Variants in SVEP1 observed in about 807,000 individuals in gnomAD.
SVEP1 encodes sushi, von Willebrand factor type A, EGF and pentraxin domain-containing protein 1.
SVEP1 carries 164 observed loss-of-function variants against 367.3 expected under a neutral mutation model. The observed-to-expected ratio is 0.45, with a 90% confidence interval of 0.39 to 0.51. The LOEUF is 0.51. Among genes scored for constraint, SVEP1 ranks in the 20% least tolerant of loss-of-function variants. The probability of loss-of-function intolerance (pLI) is 0.00; values close to 1 mark genes in which losing one functional copy is unlikely to be tolerated. For synonymous variants in SVEP1, 1,666 were observed against 1,611.6 expected, an observed-to-expected ratio of 1.03 and a Z score of -0.81; for missense variants, 4,117 against 4,425.3, an observed-to-expected ratio of 0.93 and a Z score of 1.98.
intron 17 of SVEP1, among the ~76,000 whole-genome samples, chr9:110,467,118 G>T (rs185054849): frequency 8.5e-5 from 13 of 152,206 alleles, no homozygotes; most frequent in African/African-American, 3.1e-4. Flanking sequence ...GCAGAACTAT[G>T]GCAAAGAAGC....
At chr9:110,402,456 C>G in intron 39 of SVEP1, among the ~76,000 whole-genome samples, 1 of 152,074 alleles carries the variant, frequency 6.6e-6, no homozygotes, top group East Asian at 1.9e-4. Flanking sequence ...TAGTTTTACA[C>G]AGTTTACACC....
rs139341852 is a variant in SVEP1, at chr9:110,489,825, G to A, written c.1801-46C>T. On this transcript the variant is annotated intron_variant, in intron 8 of 47. Coordinates refer to ENST00000374469, the MANE Select transcript of SVEP1 (RefSeq NM_153366.4). ...TTTTGAAAGTTAATGTCAAAAGTGC[G>A]TTTATTCTTTTCTGATTTATATATT... is the stretch of plus-strand genomic sequence containing the variant. 1.1e-4 allele frequency: 169 copies of A among 1,564,298 alleles called. 1 individual carries two copies. The highest frequency in any genetic ancestry group is 9.4e-4 in the South Asian group (77 of 81,600).
At chr9:110,396,797 T>A (rs1022865911) in intron 40 of SVEP1, among the ~76,000 whole-genome samples, 124 of 152,160 alleles carry the variant, frequency 8.1e-4, no homozygotes, top group Non-Finnish European at 1.4e-3. Context: ...AACCAGGAAG[T>A]AGTTGAATCT....
At chr9:110,433,560 C>A (rs1383886222) in intron 30 of SVEP1, among the ~76,000 whole-genome samples, 2 of 150,924 alleles carry the variant, frequency 1.3e-5, no homozygotes, top group Admixed American at 6.6e-5. Flanking sequence ...CCTCTGCCTG[C>A]CTCCTGGGCT....
chr9:110,416,071 G>A (rs867027847), intron 36 of SVEP1, among the ~76,000 whole-genome samples: 16 of 151,958 alleles, frequency 1.1e-4, no homozygotes, highest in South Asian at 2.1e-4. Context: ...TACATACTCA[G>A]AAAATAAGGG....
chr9:110,493,327 C>T (rs189598206), intron 8 of SVEP1, among the ~76,000 whole-genome samples: 356 of 152,220 alleles, frequency 2.3e-3, no homozygotes, highest in Non-Finnish European at 4.0e-3. Flanking sequence ...GAGGGCCACA[C>T]AGCCTTAAAC....
At position 110,408,772 on chromosome 9, in the gene SVEP1, T is replaced by C. The variant is rs747193735; in HGVS notation, c.6828A>G (p.Lys2276=). 2 of 1,613,496 alleles carry C rather than the reference T, an allele frequency of 1.2e-6. No individual in the cohort carries two copies. Among genetic ancestry groups the C allele is most frequent in the Non-Finnish European group, 1.7e-6 (2 of 1,179,894 alleles). The change falls in exon 38 of 48, where the codon AAA becomes AAG. Residue 2276 remains lysine (K), a synonymous_variant. Transcript: ENST00000374469. ...KPPPIQNGFM[K]GENFEVGSKV... ...TGGACCCTACTTCAAAGTTTTCTCC[T>C]TTCATGAAGCCATTCTGGATCGGGG...
chr9:110,436,990 T>G (rs1295040436), intron 27 of SVEP1, among the ~76,000 whole-genome samples: 1 of 152,214 alleles, frequency 6.6e-6, no homozygotes, highest in African/African-American at 2.4e-5. Context: ...CTGTATCAGC[T>G]GTTTCTGTTA....
At chr9:110,493,434 C>T (rs372984370) in intron 8 of SVEP1, among the ~76,000 whole-genome samples, 22 of 152,100 alleles carry the variant, frequency 1.4e-4, no homozygotes, top group African/African-American at 5.3e-4. Flanking sequence ...AATGTGGCAG[C>T]TTAAAACAAC....
chr9:110,553,635 G>A (rs903854845), intron 1 of SVEP1, among the ~76,000 whole-genome samples: 1 of 152,124 alleles, frequency 6.6e-6, no homozygotes, highest in African/African-American at 2.4e-5. Flanking sequence ...GGGGAGACAG[G>A]CCCAGGTATT....
rs748229531 is a variant in SVEP1, at chr9:110,450,161, G to A, written c.4001C>T (p.Pro1334Leu). The A allele has an allele frequency of 2.5e-6, 4 of 1,613,856 alleles. No individual in the cohort carries two copies. Among genetic ancestry groups the A allele is most frequent in the Non-Finnish European group, 3.4e-6 (4 of 1,179,832 alleles). The change falls in exon 24 of 48, where the codon CCA (proline) becomes CTA (leucine). Residue 1334 changes from proline to leucine, a missense_variant. Transcript: ENST00000374469. ...DQVGGFLCKC[P>L]PGFLGTRCGK... Reference sequence around the variant, plus strand: ...ACATCGGGTACCCAAAAATCCAGGTGGGCATTTGCACAAGAATCCCCCAAC... The same window carrying A: ...ACATCGGGTACCCAAAAATCCAGGTAGGCATTTGCACAAGAATCCCCCAAC...
intron 22 of SVEP1, 95 bp downstream of exon 22, chr9:110,455,494 TA>T: frequency 1.2e-6 from 1 of 822,660 alleles, no homozygotes; most frequent in Non-Finnish European, 1.9e-6. Context: ...TAATATTCTA[TA>T]AATGTATCTT....
intron 45 of SVEP1, chr9:110,376,672 A>G (rs1246978219): frequency 1.3e-5 from 2 of 152,330 alleles, no homozygotes; most frequent in East Asian, 1.9e-4. Context: ...ATCCTTATAT[A>G]TATTTTAAGA....
In SVEP1 at chr9:110,407,981, T is replaced by C; in HGVS notation, c.7619A>G (p.Glu2540Gly). Reference sequence around the variant, plus strand: ...GGCATCTACATCCCAATCACCTGTCTCTAAACAGGTCAAGGCACTGGGACC... The same window carrying C: ...GGCATCTACATCCCAATCACCTGTCCCTAAACAGGTCAAGGCACTGGGACC... ...LEGPSALTCLETGDWDVDAPS... is the reference protein window; with the variant it reads ...LEGPSALTCLGTGDWDVDAPS... Residue 2540 changes from glutamate to glycine, a missense_variant, in exon 38 of 48, where the codon GAG becomes GGG. Physicochemically the swap from Glu to Gly is moderately conservative, Grantham distance 98. Around this residue, in one of 4 missense-constraint regions of SVEP1, gnomAD observed 1,765 missense variants for 1,781.1 expected, o/e 0.99. Transcript: ENST00000374469. 1 of 1,613,984 alleles carries C rather than the reference T, an allele frequency of 6.2e-7. No individual in the cohort carries two copies.
chr9:110,366,298 C>T lies in SVEP1; in HGVS notation c.*241G>A, dbSNP rs1827197933. The T allele has an allele frequency of 5.2e-6, 2 of 386,834 alleles. No homozygotes were observed. The highest frequency in any genetic ancestry group is 4.5e-6 in the Non-Finnish European group (1 of 220,498). The allele number at this position is 386,834 out of a possible 1,614,324, so 24.0% of individuals were successfully genotyped here. A position where few individuals can be genotyped will look rare whatever the true frequency, so the allele number is the denominator to read the frequency against. The stretch of plus-strand genomic sequence containing the variant: ...ACATTTTGTGAGGGTAGAGCAGCAT[C>T]TATTTAATATAATTTTTATATAGAA... On this transcript the variant is annotated 3_prime_UTR_variant, in exon 48 of 48. Transcript: ENST00000374469.
chr9:110,487,539 C>T (rs946150862), intron 9 of SVEP1, among the ~76,000 whole-genome samples: 1 of 152,060 alleles, frequency 6.6e-6, no homozygotes, highest in African/African-American at 2.4e-5. Context: ...TCTACTTTTA[C>T]CAAAACCTGT....
In SVEP1 at chr9:110,386,047, A is replaced by T; in HGVS notation, c.10088T>A (p.Ile3363Asn). ...TTCAGACAGCAGAGCATTCTCGGGA[A>T]TCACAAAAGGAACAGGGCATGGATT... The part of the protein sequence containing the change: ...KPNPCPVPFV[I>N]PENALLSEKE... Residue 3363 changes from isoleucine to asparagine, a missense_variant, in exon 43 of 48, where the codon ATT becomes AAT. This residue lies in a region of SVEP1 where 1,765 missense variants were observed against 1,781.1 expected (regional missense o/e 0.99). Coordinates refer to ENST00000374469, the MANE Select transcript of SVEP1 (RefSeq NM_153366.4). The T allele has an allele frequency of 6.2e-7, 1 of 1,613,706 alleles. No homozygotes were observed. The highest frequency in any genetic ancestry group is 8.5e-7 in the Non-Finnish European group (1 of 1,179,746).
At position 110,469,021 on chromosome 9, in the gene SVEP1, C is replaced by G. The variant is rs1160386133; in HGVS notation, c.3079G>C (p.Glu1027Gln). Reference sequence around the variant, plus strand: ...CAAAGCTTGCACTCAAGTTGCCCTTCTTCATCTTGATAGGATCCGATCCGG... The same window carrying G: ...CAAAGCTTGCACTCAAGTTGCCCTTGTTCATCTTGATAGGATCCGATCCGG... Reference protein sequence around the residue: ...SCRIGSYQDEEGQLECKLCPS... With the variant: ...SCRIGSYQDEQGQLECKLCPS... Residue 1027 changes from glutamate to glutamine, a missense_variant, in exon 17 of 48, where the codon GAA becomes CAA. By Grantham distance (29) the Glu-to-Gln change is conservative (BLOSUM62 2). This residue lies in a region of SVEP1 where 2,174 missense variants were observed against 2,494.3 expected (regional missense o/e 0.87). Transcript: ENST00000374469. The G allele has an allele frequency of 2.5e-6, 4 of 1,613,790 alleles. No homozygotes were observed. The highest frequency in any genetic ancestry group is 3.4e-6 in the Non-Finnish European group (4 of 1,179,850).
intron 41 of SVEP1, among the ~76,000 whole-genome samples, chr9:110,389,154 G>A (rs990418896): frequency 6.6e-6 from 1 of 152,020 alleles, no homozygotes; most frequent in Non-Finnish European, 1.5e-5. Context: ...CCAACAGCAC[G>A]TTAAAAGTAT....
Sources: allele counts gnomAD v4.1 joint callset (sites outside exome capture counted in the v4.1 genomes callset), GRCh38; gene constraint gnomAD v4.1.1; regional missense constraint gnomAD v4.1.1; transcripts MANE v1.5; gene names NCBI Gene and HGNC (gene_info 2026-07-23, HGNC 2026-07-21).